Variants in CSNK2A2 observed in about 807,000 individuals in gnomAD.
CSNK2A2 encodes casein kinase 2 alpha 2, also known as casein kinase II subunit alpha'.
CSNK2A2 carries 8 observed loss-of-function variants against 54.0 expected under a neutral mutation model. That is an observed-to-expected ratio of 0.15 (90% CI 0.09 to 0.27). The LOEUF (loss-of-function observed/expected upper bound fraction) is 0.27, where lower values mean the gene tolerates loss of function less well. Ranked by LOEUF, CSNK2A2 falls within the 10% of genes least tolerant of loss-of-function variation. CSNK2A2 has a pLI of 1.00. For missense variants in CSNK2A2, 242 were observed against 439.4 expected (o/e 0.55, Z 4.02); for synonymous variants, 141 against 153.9 (o/e 0.92, Z 0.62).
chr16:58,192,392 T>C (rs1341756055), intron 2 of CSNK2A2, among the ~76,000 whole-genome samples: 1 of 151,966 alleles, frequency 6.6e-6, no homozygotes, highest in Non-Finnish European at 1.5e-5. Context: ...TATTAAACTA[T>C]TAATCCCGAA....
At chr16:58,176,507 A>C (rs1961883455) in intron 4 of CSNK2A2, among the ~76,000 whole-genome samples, 1 of 152,200 alleles carries the variant, frequency 6.6e-6, no homozygotes, top group Admixed American at 6.5e-5. Context: ...AGGAGACCAA[A>C]CTACATCTGT....
At chr16:58,178,640 G>C (rs1273664535) in intron 4 of CSNK2A2, among the ~76,000 whole-genome samples, 1 of 152,164 alleles carries the variant, frequency 6.6e-6, no homozygotes, top group East Asian at 1.9e-4. Context: ...CTTAGAGACT[G>C]ACTTTTCTCA....
At chr16:58,159,148 T>C (rs1961245770) in intron 11 of CSNK2A2, 1 of 152,232 alleles carries the variant, frequency 6.6e-6, no homozygotes, top group African/African-American at 2.4e-5. Flanking sequence ...TATTTGCCTT[T>C]AAACACTTCA....
intron 2 of CSNK2A2, among the ~76,000 whole-genome samples, chr16:58,189,409 G>C (rs889974906): frequency 1.3e-5 from 2 of 152,164 alleles, no homozygotes; most frequent in East Asian, 3.8e-4. Context: ...CCCACAGCCA[G>C]AGGCCTATAT....
chr16:58,186,085 G>T (rs1962187291), intron 3 of CSNK2A2, among the ~76,000 whole-genome samples: 1 of 152,366 alleles, frequency 6.6e-6, no homozygotes, highest in Admixed American at 6.5e-5. Context: ...AATGGGACAA[G>T]AAGGGGTACA....
At chr16:58,171,979 ATTTTTTT>A (rs746200172) in intron 5 of CSNK2A2, among the ~76,000 whole-genome samples, 32 of 66,176 alleles carry the variant, frequency 4.8e-4, no homozygotes, top group East Asian at 1.5e-3. Context: ...ATATATATAT[ATTTTTTT>A]TTTTTTTTTT....
chr16:58,169,344 A>C (rs1028583250), intron 5 of CSNK2A2, among the ~76,000 whole-genome samples: 6 of 152,040 alleles, frequency 3.9e-5, no homozygotes, highest in African/African-American at 1.4e-4. Flanking sequence ...GTTCGAGACT[A>C]GCCTGGGCAA....
intron 5 of CSNK2A2, among the ~76,000 whole-genome samples, chr16:58,173,281 A>G (rs528004290): frequency 6.6e-6 from 1 of 152,358 alleles, no homozygotes; most frequent in East Asian, 1.9e-4. Flanking sequence ...CCTTAAATCC[A>G]CCACCTCAGC....
intron 2 of CSNK2A2, among the ~76,000 whole-genome samples, chr16:58,194,804 A>G (rs1283351671): frequency 1.3e-5 from 2 of 152,200 alleles, no homozygotes; most frequent in Non-Finnish European, 2.9e-5. Flanking sequence ...ATACGCCAAG[A>G]ATCTTTAAAG....
At chr16:58,162,330 T>C (rs2142404305) in intron 11 of CSNK2A2, 1 of 152,368 alleles carries the variant, frequency 6.6e-6, no homozygotes, top group South Asian at 2.1e-4. Context: ...TTTACATTAG[T>C]ATACAGAATG....
intron 4 of CSNK2A2, among the ~76,000 whole-genome samples, chr16:58,181,500 A>G (rs1050130173): frequency 6.6e-6 from 1 of 152,250 alleles, no homozygotes; most frequent in African/African-American, 2.4e-5. Context: ...CAGACATTCA[A>G]AAACCATGAT....
intron 3 of CSNK2A2, among the ~76,000 whole-genome samples, chr16:58,185,646 T>C (rs1839321382): frequency 6.6e-6 from 1 of 152,194 alleles, no homozygotes; most frequent in African/African-American, 2.4e-5. Flanking sequence ...GAACTAGTCA[T>C]TATAAAATCA....
chr16:58,171,980 T>TATATATAGATA (rs1555505772), intron 5 of CSNK2A2, among the ~76,000 whole-genome samples: 1 of 37,094 alleles, frequency 2.7e-5, no homozygotes, highest in Admixed American at 3.6e-4. Context: ...TATATATATA[T>TATATATAGATA]TTTTTTTTTT....
intron 4 of CSNK2A2, among the ~76,000 whole-genome samples, chr16:58,183,270 G>C (rs535056606): frequency 5.5e-4 from 83 of 151,982 alleles, no homozygotes; most frequent in Admixed American, 1.4e-3. Context: ...TCAGCTACTT[G>C]GGAGGCTGAG....
chr16:58,183,504 GTC>G (rs1178490493), intron 4 of CSNK2A2, among the ~76,000 whole-genome samples: 2 of 152,056 alleles, frequency 1.3e-5, no homozygotes, highest in Non-Finnish European at 2.9e-5. Flanking sequence ...AAAATCACAA[GTC>G]TCTTATTCAC....
At chr16:58,171,250 C>T (rs568408977) in intron 5 of CSNK2A2, among the ~76,000 whole-genome samples, 5 of 152,182 alleles carry the variant, frequency 3.3e-5, no homozygotes, top group Admixed American at 6.5e-5. Context: ...TATGGCCAGG[C>T]GTGGTGGCTC....
intron 10 of CSNK2A2, among the ~76,000 whole-genome samples, chr16:58,164,395 G>A (rs1310574001): frequency 6.6e-6 from 1 of 152,080 alleles, no homozygotes; most frequent in Non-Finnish European, 1.5e-5. Flanking sequence ...ATGCTAAGAG[G>A]CATAGAAACT....
intron 11 of CSNK2A2, chr16:58,160,729 A>G (rs547549788): frequency 6.6e-6 from 1 of 152,324 alleles, no homozygotes; most frequent in African/African-American, 2.4e-5. Flanking sequence ...TTTCCTCCTC[A>G]AGAGCTACCT....
intron 6 of CSNK2A2, among the ~76,000 whole-genome samples, chr16:58,168,129 G>T (rs1404299388): frequency 6.6e-6 from 1 of 151,878 alleles, no homozygotes; most frequent in Non-Finnish European, 1.5e-5. Flanking sequence ...TTCGTTATAA[G>T]CTCCAGGCGT....
Sources: gnomAD v4.1 joint callset for allele counts (sites outside exome capture counted in the v4.1 genomes callset) on GRCh38, gnomAD v4.1.1 for gene constraint, MANE v1.5 for transcripts, NCBI Gene and HGNC (gene_info 2026-07-23, HGNC 2026-07-21) for gene names.